Variants in P3H1 observed in about 807,000 individuals in gnomAD.
The protein encoded by P3H1 is prolyl 3-hydroxylase 1.
In P3H1, 69 loss-of-function variants were observed where a neutral mutation model predicts 84.0. The observed-to-expected ratio is 0.82, with a 90% CI of 0.68 to 1.00. The LOEUF (loss-of-function observed/expected upper bound fraction) is 1.00. Ranked by LOEUF, P3H1 falls within the 50% of genes least tolerant of loss-of-function variation. The pLI is 0.00. For synonymous variants in P3H1, 366 were observed against 388.8 expected (o/e 0.94, Z 0.69); for missense variants, 878 against 962.8 (o/e 0.91, Z 1.17).
In P3H1 at chr1:42,762,355, C is replaced by CCAA; in HGVS notation, c.585_586insTTG (p.Ala195_Asp196insLeu). On this transcript the variant is annotated inframe_insertion, in exon 2 of 15. Transcript: ENST00000296388. ...GGTTGAGTCTCAAGATCCTTGAAGT[C>CCAA]GGCCTCCTTCACTCCAGACATGGTT... 6.2e-7 allele frequency: 1 copy of CCAA among 1,614,054 alleles called. No individual in the cohort carries two copies. The highest frequency in any genetic ancestry group is 8.5e-7 in the Non-Finnish European group (1 of 1,179,964).
At chr1:42,753,790 C>T (rs1047673087) in intron 8 of P3H1, among the ~76,000 whole-genome samples, 1 of 151,868 alleles carries the variant, frequency 6.6e-6, no homozygotes, top group African/African-American at 2.4e-5. Flanking sequence ...AGGCATGGTG[C>T]CACATGCCTG....
chr1:42,756,653 C>T (rs888486547), intron 5 of P3H1, among the ~76,000 whole-genome samples: 5 of 152,204 alleles, frequency 3.3e-5, no homozygotes, highest in Non-Finnish European at 5.9e-5. Flanking sequence ...TATGTTATCT[C>T]ATTTAACCCT....
In P3H1 at chr1:42,755,541, A is replaced by G; in HGVS notation, c.1170+7T>C. ...CGCTCCCTTCCGGCTCCTGTACCCTAGCTCACCGGATCCACAAAGGGAATT... is the reference window on the plus strand; with the variant it reads ...CGCTCCCTTCCGGCTCCTGTACCCTGGCTCACCGGATCCACAAAGGGAATT... On this transcript the variant is annotated splice_region_variant and intron_variant, in intron 6 of 14. Transcript: ENST00000296388. 6.2e-7 allele frequency: 1 copy of G among 1,609,752 alleles called. No individual in the cohort carries two copies. The highest frequency in any genetic ancestry group is 8.5e-7 in the Non-Finnish European group (1 of 1,176,294).
In P3H1 at chr1:42,746,787, C is replaced by A; in HGVS notation, c.2121G>T (p.Gln707His). 1 of 1,575,738 alleles carries A rather than the reference C, an allele frequency of 6.3e-7. No homozygotes were observed. The highest frequency in any genetic ancestry group is 8.6e-7 in the Non-Finnish European group (1 of 1,160,592). Residue 707 changes from glutamine to histidine, a missense_variant, in exon 15 of 15, where the codon CAG becomes CAT. By Grantham distance (24) the Gln-to-His change is conservative. Transcript: ENST00000296388. ...LFSPEEMDLS[Q>H]EQPLDAQQGP... ...CCTGCTGGGCATCCAGGGGCTGCTC[C>A]TGGGAGAGGTCCATCTCTTCTGGGC... is the stretch of plus-strand genomic sequence containing the variant.
intron 3 of P3H1, 102 bp from the exon 4 acceptor site, chr1:42,759,085 T>C (rs1360757814): frequency 1.3e-5 from 21 of 1,577,322 alleles, no homozygotes; most frequent in Admixed American, 1.7e-5. Context: ...TTTCATCAGC[T>C]TCTCAGATTT....
rs199533680 is a variant in P3H1 at position 42,766,880 on chromosome 1, C to G, written c.92G>C (p.Gly31Ala). The G allele has an allele frequency of 1.2e-5, 20 of 1,608,236 alleles. No homozygotes were observed. Among genetic ancestry groups the G allele is most frequent in the Non-Finnish European group, 8.5e-7 (1 of 1,179,834 alleles). ...QAEVESEAGW[G>A]MVTPDLLFAE... The stretch of plus-strand genomic sequence containing the variant: ...GAAGAGCAGATCAGGCGTCACCATG[C>G]CCCATCCTGCCTCGGACTCGACCTC... Residue 31 changes from glycine to alanine, a missense_variant, in exon 1 of 15, where the codon GGC (glycine) becomes GCC (alanine). By Grantham distance (60) the Gly-to-Ala change is moderately conservative. Coordinates refer to ENST00000296388, the MANE Select transcript of P3H1 (RefSeq NM_022356.4).
intron 8 of P3H1, 88 bp from the exon 9 acceptor site, chr1:42,752,752 G>C (rs1362311028): frequency 1.0e-5 from 16 of 1,542,266 alleles, no homozygotes; most frequent in Non-Finnish European, 1.3e-5. Flanking sequence ...GTCACAAATA[G>C]AAATTCCAGC....
intron 5 of P3H1, among the ~76,000 whole-genome samples, chr1:42,756,722 G>A (rs1455229050): frequency 6.6e-6 from 1 of 152,100 alleles, no homozygotes; most frequent in Non-Finnish European, 1.5e-5. Context: ...TTATTCATTC[G>A]ATGCTGATTT....
intron 8 of P3H1, among the ~76,000 whole-genome samples, chr1:42,753,767 A>G (rs1327522200): frequency 6.6e-6 from 1 of 151,970 alleles, no homozygotes; most frequent in Non-Finnish European, 1.5e-5. Context: ...CTAAAAATAC[A>G]AAAAAATTAG....
intron 1 of P3H1, among the ~76,000 whole-genome samples, chr1:42,763,016 C>T (rs1652800742): frequency 6.6e-6 from 1 of 151,274 alleles, no homozygotes; most frequent in African/African-American, 2.4e-5. Context: ...GCCTGGGAAG[C>T]AGAGGTTGCA....
At chr1:42,757,523 G>A (rs1257129395) in intron 5 of P3H1, among the ~76,000 whole-genome samples, 2 of 152,208 alleles carry the variant, frequency 1.3e-5, no homozygotes, top group Admixed American at 6.5e-5. Flanking sequence ...TGCTCACCGC[G>A]CAGTTCTGCG....
intron 1 of P3H1, among the ~76,000 whole-genome samples, chr1:42,765,152 A>G (rs1440307324): frequency 1.3e-5 from 2 of 152,260 alleles, no homozygotes; most frequent in East Asian, 1.9e-4. Flanking sequence ...CGCCTCTCCT[A>G]CTACTCCCCA....
chr1:42,757,269 T>C (rs370864983), intron 5 of P3H1, among the ~76,000 whole-genome samples: 50 of 152,190 alleles, frequency 3.3e-4, no homozygotes, highest in African/African-American at 1.2e-3. Context: ...AGCCTGGGTG[T>C]CTCCTTTCAG....
At chr1:42,759,073 T>G in intron 3 of P3H1, 90 bp from the exon 4 acceptor site, 1 of 1,585,442 alleles carries the variant, frequency 6.3e-7, no homozygotes, top group Non-Finnish European at 8.7e-7. Flanking sequence ...ATGGAAGCAA[T>G]TTTTCATCAG....
chr1:42,756,953 C>T (rs892576495), intron 5 of P3H1, among the ~76,000 whole-genome samples: 1 of 152,234 alleles, frequency 6.6e-6, no homozygotes, highest in African/African-American at 2.4e-5. Context: ...CACAGAGCTT[C>T]GCCTGGACAG....
intron 11 of P3H1, chr1:42,748,542 A>C (rs1651860031): frequency 1.7e-6 from 1 of 579,612 alleles, no homozygotes; most frequent in Non-Finnish European, 3.2e-6. Context: ...AGCAGGAATG[A>C]AGGGCTCCAA....
At chr1:42,749,405 G>A (rs1470303615) in intron 11 of P3H1, among the ~76,000 whole-genome samples, 2 of 152,340 alleles carry the variant, frequency 1.3e-5, no homozygotes, top group East Asian at 1.9e-4. Flanking sequence ...TAGGATCCTT[G>A]CAGCACTAGC....
rs866456697 is a variant in P3H1, at chr1:42,758,742, A to G, written c.940+110T>C. 141 of 1,303,082 alleles carry G rather than the reference A, an allele frequency of 1.1e-4. 2 individuals carry two copies. In the Middle Eastern group the frequency reaches 3.7e-3, roughly 34 times the overall value. The allele number at this position is 1,303,082 out of a possible 1,614,324, so 80.7% of individuals were successfully genotyped here. A position where few individuals can be genotyped will look rare whatever the true frequency, so the allele number is the denominator to read the frequency against. On this transcript the variant is annotated intron_variant, in intron 4 of 14. Coordinates refer to ENST00000296388, the MANE Select transcript of P3H1 (RefSeq NM_022356.4). ...ACTTGGCATGGTGCCTCCCATAGCT[A>G]CTGAAATAAGCCAAACACCTTGAGG... is the stretch of plus-strand genomic sequence containing the variant.
At chr1:42,752,253 A>G (rs1652141881) in intron 10 of P3H1, 21 bp downstream of exon 10, 2 of 1,588,476 alleles carry the variant, frequency 1.3e-6, no homozygotes, top group Non-Finnish European at 8.6e-7. Flanking sequence ...CACACTCTAG[A>G]ATGCCCAGTG....
Sources: gnomAD v4.1 joint callset for allele counts (sites outside exome capture counted in the v4.1 genomes callset) on GRCh38, gnomAD v4.1.1 for gene constraint, MANE v1.5 for transcripts, NCBI Gene and HGNC (gene_info 2026-07-23, HGNC 2026-07-21) for gene names.